A2ML1: variants seen among roughly 807,000 people sequenced by gnomAD.
A2ML1 encodes alpha-2-macroglobulin-like protein 1.
In A2ML1, 161 loss-of-function variants were observed where a neutral mutation model predicts 181.9. That is an observed-to-expected ratio of 0.89 (90% CI 0.78 to 1.01). A2ML1 has a LOEUF of 1.01. Among genes scored for constraint, A2ML1 ranks in the 50% least tolerant of loss-of-function variants. The pLI is 0.00. For missense variants in A2ML1, 1,670 were observed against 1,768.1 expected (o/e 0.94, Z 1.00); for synonymous variants, 663 against 666.8 (o/e 0.99, Z 0.09).
Position 8,847,098 on chromosome 12 carries a change from C to CTTT in A2ML1, c.1684-431_1684-429dup, listed in dbSNP as rs1212257948. On this transcript the variant is annotated intron_variant, in intron 14 of 35. Transcript: ENST00000299698. Reference sequence around the variant, plus strand: ...TACAAGTATGCACCACCATGCCTGGCTTTTTTTTTTTTTTTTTTTTTTGTA... The same window carrying CTTT: ...TACAAGTATGCACCACCATGCCTGGCTTTTTTTTTTTTTTTTTTTTTTTTTGTA... Among the ~76,000 whole-genome samples, 76 of 93,252 alleles carry CTTT rather than the reference C, an allele frequency of 8.1e-4. 1 individual carries two copies. The highest frequency in any genetic ancestry group is 1.3e-3 in the African/African-American group (29 of 22,132). The allele number at this position is 93,252 out of a possible 152,430, so 61.2% of individuals were successfully genotyped here.
At chr12:8,858,189 C>T (rs1944137873) in intron 26 of A2ML1, 87 bp downstream of exon 26, 2 of 1,463,820 alleles carry the variant, frequency 1.4e-6, no homozygotes, top group Admixed American at 4.9e-5. Flanking sequence ...GAGCACTGGC[C>T]TGGGAATCAG....
chr12:8,841,575 G>A (rs1313489284), intron 11 of A2ML1, 39 bp downstream of exon 11: 1 of 1,574,348 alleles, frequency 6.4e-7, no homozygotes. Context: ...AGAAAGGAAG[G>A]CTTCCCTGAA....
chr12:8,824,444 G>T (rs1234691457), intron 3 of A2ML1, among the ~76,000 whole-genome samples: 1 of 151,238 alleles, frequency 6.6e-6, no homozygotes, highest in Non-Finnish European at 1.5e-5. Context: ...ATTACATCAG[G>T]GTACATGTGT....
chr12:8,826,704 T>A (rs1398428534), intron 3 of A2ML1, among the ~76,000 whole-genome samples: 2 of 152,172 alleles, frequency 1.3e-5, no homozygotes, highest in Non-Finnish European at 2.9e-5. Flanking sequence ...TTGCAGCCTC[T>A]GCCTCCTGGG....
At chr12:8,842,076 C>A (rs986413714) in intron 11 of A2ML1, among the ~76,000 whole-genome samples, 1 of 152,228 alleles carries the variant, frequency 6.6e-6, no homozygotes, top group Non-Finnish European at 1.5e-5. Context: ...GTCTGCAGAT[C>A]GGCTGGCCAT....
At chr12:8,855,615 C>T (rs1163474826) in intron 23 of A2ML1, 23 bp downstream of exon 23, 2 of 1,613,206 alleles carry the variant, frequency 1.2e-6, no homozygotes, top group South Asian at 1.1e-5. Context: ...AGATTCTTGA[C>T]TCAGAAAGGA....
chr12:8,841,562 C>T, intron 11 of A2ML1, 26 bp downstream of exon 11: 1 of 1,584,908 alleles, frequency 6.3e-7, no homozygotes, highest in Non-Finnish European at 8.6e-7. Flanking sequence ...GGACCAGCTT[C>T]CTAGAAAGGA....
intron 23 of A2ML1, among the ~76,000 whole-genome samples, chr12:8,856,447 T>C (rs1478145138): frequency 6.6e-6 from 1 of 152,246 alleles, no homozygotes; most frequent in Non-Finnish European, 1.5e-5. Context: ...ATAGATTGAA[T>C]TGAGCTTGTT....
chr12:8,841,763 T>G (rs1045899067), intron 11 of A2ML1, among the ~76,000 whole-genome samples: 2 of 152,166 alleles, frequency 1.3e-5, no homozygotes, highest in East Asian at 1.9e-4. Context: ...TACTAATACA[T>G]CTTTTAACTT....
At chr12:8,827,939 C>T (rs981827594) in intron 3 of A2ML1, among the ~76,000 whole-genome samples, 4 of 152,174 alleles carry the variant, frequency 2.6e-5, no homozygotes, top group Admixed American at 6.5e-5. Context: ...TGTTCTCTTC[C>T]CTTACTTTCT....
At chr12:8,869,852 A>G (rs1381879236) in intron 33 of A2ML1, among the ~76,000 whole-genome samples, 2 of 152,242 alleles carry the variant, frequency 1.3e-5, no homozygotes, top group East Asian at 1.9e-4. Context: ...TTAGAGTTAT[A>G]GAAAAAACTA....
At chr12:8,874,565 C>A in intron 34 of A2ML1, 38 bp downstream of exon 34, 1 of 1,471,654 alleles carries the variant, frequency 6.8e-7, no homozygotes, top group Non-Finnish European at 9.5e-7. Flanking sequence ...TGAGATCTTA[C>A]CTGCATCTCC....
chr12:8,886,152 A>C (rs1199226567), intron 7 of A2ML1, among the ~76,000 whole-genome samples: 3 of 152,074 alleles, frequency 2.0e-5, no homozygotes, highest in African/African-American at 7.2e-5. Flanking sequence ...TTTCCATATA[A>C]ATTTAAATCA....
chr12:8,833,179 G>A (rs961735562), intron 4 of A2ML1, among the ~76,000 whole-genome samples: 1 of 151,940 alleles, frequency 6.6e-6, no homozygotes, highest in Non-Finnish European at 1.5e-5. Flanking sequence ...TACCATGTCG[G>A]TCAGGCTGGT....
intron 33 of A2ML1, among the ~76,000 whole-genome samples, chr12:8,869,815 G>A (rs1437496073): frequency 6.6e-6 from 1 of 152,172 alleles, no homozygotes; most frequent in Non-Finnish European, 1.5e-5. Flanking sequence ...TGTAAAATGT[G>A]TGTGGGTAGG....
At chr12:8,886,436 T>G (rs1324679212) in intron 7 of A2ML1, 3 of 152,206 alleles carry the variant, frequency 2.0e-5, no homozygotes, top group Non-Finnish European at 4.4e-5. Context: ...TAATTTCCTA[T>G]TTATTTTGTA....
rs1286734575 is a variant in A2ML1, at chr12:8,864,376, G to A, written c.3717+368G>A. 1.5e-4 allele frequency among the ~76,000 whole-genome samples: 2 copies of A among 13,632 alleles called. 1 individual carries two copies. The highest frequency in any genetic ancestry group is 1.6e-4 in the African/African-American group (2 of 12,812). 8.9% of individuals were successfully genotyped at this position (13,632 alleles called of 152,430 possible). A position where few individuals can be genotyped will look rare whatever the true frequency, so the allele number is the denominator to read the frequency against. ...AAAAATACAAAAATTAGCCAGGTGC[G>A]ATGGCAGGTGCCTGTAATCCCAGCT... On this transcript the variant is annotated intron_variant, in intron 29 of 35. Coordinates refer to ENST00000299698, the MANE Select transcript of A2ML1 (RefSeq NM_144670.6).
rs2136861832 is a variant in A2ML1, at chr12:8,848,918, G to T, written c.2028+4G>T. On this transcript the variant is annotated splice_donor_region_variant and intron_variant, in intron 16 of 35. Coordinates refer to ENST00000299698, the MANE Select transcript of A2ML1 (RefSeq NM_144670.6). ...GGACCTTTTCAGCTTTTTCCGGGTA[G>T]GTCTTCTTACCCATTTTGTTCTTAT... The T allele has an allele frequency of 6.2e-7, 1 of 1,609,548 alleles. No individual in the cohort carries two copies.
intron 12 of A2ML1, chr12:8,844,965 G>C: frequency 4.5e-6 from 6 of 1,346,428 alleles, no homozygotes; most frequent in Non-Finnish European, 5.7e-6. Flanking sequence ...TGGACGGGAA[G>C]GGGGAGTTAG....
Sources: allele counts gnomAD v4.1 joint callset (sites outside exome capture counted in the v4.1 genomes callset), GRCh38; gene constraint gnomAD v4.1.1; transcripts MANE v1.5; gene names NCBI Gene and HGNC (gene_info 2026-07-23, HGNC 2026-07-21).